ISL1: variants seen among roughly 807,000 people sequenced by gnomAD.
ISL1 encodes the protein ISL LIM homeobox 1, also known as insulin gene enhancer protein ISL-1.
ISL1 carries 4 observed loss-of-function variants against 35.3 expected under a neutral mutation model. The observed-to-expected ratio is 0.11, with a 90% confidence interval of 0.06 to 0.26. The LOEUF (loss-of-function observed/expected upper bound fraction) is 0.26, where lower values mean the gene tolerates loss of function less well. Ranked by LOEUF, ISL1 falls within the 10% of genes least tolerant of loss-of-function variation. The probability of loss-of-function intolerance (pLI) is 1.00; values close to 1 mark genes in which losing one functional copy is unlikely to be tolerated. For missense variants in ISL1, 340 were observed against 472.8 expected, an observed-to-expected ratio of 0.72 and a Z score of 2.60; for synonymous variants, 186 against 172.3, an observed-to-expected ratio of 1.08 and a Z score of -0.62.
In ISL1 at chr5:51,394,619, C is replaced by T. The variant is rs1386772585; in HGVS notation, c.*1009C>T. On this transcript the variant is annotated 3_prime_UTR_variant, in exon 6 of 6. Transcript: ENST00000230658. ...TGGTCTTTGAATTATATGTCTAATT[C>T]TATGTGTTTTGTCTTTTTCTTAAAT... is the stretch of plus-strand genomic sequence containing the variant. 6.6e-6 allele frequency: 1 copy of T among 152,246 alleles called. No individual in the cohort carries two copies. Among genetic ancestry groups the T allele is most frequent in the Non-Finnish European group, 1.5e-5 (1 of 67,968 alleles). 9.4% of individuals were successfully genotyped at this position (152,246 alleles called of 1,614,324 possible). A position where few individuals can be genotyped will look rare whatever the true frequency, so the allele number is the denominator to read the frequency against.
rs1747433542 is a variant in ISL1, at chr5:51,389,563, G to A, written c.479-83G>A. ...TAAGCGGGCGGGCGGGCGGGCAAGC[G>A]AGCGAGCGAGCGAGCGCGCGACCGC... On this transcript the variant is annotated intron_variant, in intron 3 of 5. Coordinates refer to ENST00000230658, the MANE Select transcript of ISL1 (RefSeq NM_002202.3). This position sits in a 1 kb window ranked among gnomAD's most constrained non-coding sequence, Gnocchi z 5.0. 6 of 1,186,294 alleles carry A rather than the reference G, an allele frequency of 5.1e-6. No homozygotes were observed. The East Asian group carries it at 9.6e-5, about 19-fold the overall frequency. 73.5% of individuals were successfully genotyped at this position (1,186,294 alleles called of 1,614,324 possible).
At chr5:51,390,048 T>C in intron 4 of ISL1, 116 bp downstream of exon 4, 1 of 1,231,628 alleles carries the variant, frequency 8.1e-7, no homozygotes, top group Non-Finnish European at 1.1e-6. Flanking sequence ...GGCAGGAGTT[T>C]GGCCGGGGCT....
Position 51,383,665 on chromosome 5 carries a change from T to G in ISL1, c.-7T>G. 1 of 1,607,990 alleles carries G rather than the reference T, an allele frequency of 6.2e-7. No homozygotes were observed. The highest frequency in any genetic ancestry group is 8.5e-7 in the Non-Finnish European group (1 of 1,174,402). On this transcript the variant is annotated 5_prime_UTR_variant, in exon 1 of 6. Transcript: ENST00000230658. ...TTTCACTGTGGACATTACTCCCTCT[T>G]ACAGATATGGGAGACATGGGAGATC...
At chr5:51,391,575 T>G in intron 5 of ISL1, 134 bp downstream of exon 5, 1 of 968,656 alleles carries the variant, frequency 1.0e-6, no homozygotes, top group East Asian at 2.5e-5. Flanking sequence ...AGGAGGTGGG[T>G]AATGAAGAGA....
In ISL1 at chr5:51,389,621, G is replaced by C. The variant is rs751951815; in HGVS notation, c.479-25G>C. ...CCGGCAAGCGAGCCTCCAGCCCAGC[G>C]CTCACGGCGCTCCTTGCCCCGCAGC... On this transcript the variant is annotated intron_variant, in intron 3 of 5. Transcript: ENST00000230658. This position sits in a 1 kb window ranked among gnomAD's most constrained non-coding sequence, Gnocchi z 5.0. 6.3e-7 allele frequency: 1 copy of C among 1,594,266 alleles called. No individual in the cohort carries two copies. The highest frequency in any genetic ancestry group is 1.7e-5 in the Admixed American group (1 of 58,896).
In ISL1 at chr5:51,383,717, C is replaced by G. The variant is rs547738426; in HGVS notation, c.28+18C>G. The G allele has an allele frequency of 3.1e-5, 50 of 1,604,760 alleles. No individual in the cohort carries two copies. The highest frequency in any genetic ancestry group is 4.1e-5 in the Non-Finnish European group (48 of 1,171,476). ...ACCAAAAAGTAAGAGGCTATTTTAC[C>G]TTGTGGGGCTCGGTGTGCTGTTCTT... On this transcript the variant is annotated intron_variant, in intron 1 of 5. Coordinates refer to ENST00000230658, the MANE Select transcript of ISL1 (RefSeq NM_002202.3).
rs747029792 is a variant in ISL1, at chr5:51,389,600, C to A, written c.479-46C>A. 1.8e-5 allele frequency: 26 copies of A among 1,468,222 alleles called. No homozygotes were observed. The East Asian group carries it at 5.1e-4, about 29-fold the overall frequency. The allele number at this position is 1,468,222 out of a possible 1,614,324, so 90.9% of individuals were successfully genotyped here. A position where few individuals can be genotyped will look rare whatever the true frequency, so the allele number is the denominator to read the frequency against. On this transcript the variant is annotated intron_variant, in intron 3 of 5. Coordinates refer to ENST00000230658, the MANE Select transcript of ISL1 (RefSeq NM_002202.3). The surrounding 1 kb of genome is among the most constrained non-coding windows in gnomAD (Gnocchi z 5.0). ...GAGCGCGCGACCGCGGGCGGGCCGG[C>A]AAGCGAGCCTCCAGCCCAGCGCTCA...
chr5:51,384,415 A>AAAAG lies in ISL1; in HGVS notation c.29-106_29-103dup, dbSNP rs549402752. 1.0e-3 allele frequency: 821 copies of AAAAG among 782,820 alleles called. 2 individuals are homozygous for AAAAG. Among genetic ancestry groups the AAAAG allele is most frequent in the African/African-American group, 2.8e-3 (151 of 54,738 alleles). 48.5% of individuals were successfully genotyped at this position (782,820 alleles called of 1,614,324 possible). A position where few individuals can be genotyped will look rare whatever the true frequency, so the allele number is the denominator to read the frequency against. ...AAGTGCAATGCTCTAAAAAAAAAAA[A>AAAAG]AAAGAAAGAAAGAAAGAAAGAAAAA... On this transcript the variant is annotated intron_variant, in intron 1 of 5. Coordinates refer to ENST00000230658, the MANE Select transcript of ISL1 (RefSeq NM_002202.3).
chr5:51,389,788 T>C lies in ISL1; in HGVS notation c.621T>C (p.Asp207=), dbSNP rs1747443323. 3 of 1,614,078 alleles carry C rather than the reference T, an allele frequency of 1.9e-6. No homozygotes were observed. In the Admixed American group the frequency reaches 5.0e-5, roughly 27 times the overall value. The stretch of plus-strand genomic sequence containing the variant: ...GCTACGCCGCAAACCCGCGGCCAGA[T>C]GCGCTCATGAAGGAGCAACTGGTAG... ...RTCYAANPRP[D]ALMKEQLVEM... Residue 207 remains aspartate, a synonymous_variant, in exon 4 of 6, where the codon GAT becomes GAC. Transcript: ENST00000230658. This position sits in a 1 kb window ranked among gnomAD's most constrained non-coding sequence, Gnocchi z 5.0.
At chr5:51,385,829 A>G (rs1747330057) in intron 2 of ISL1, among the ~76,000 whole-genome samples, 1 of 152,166 alleles carries the variant, frequency 6.6e-6, no homozygotes, top group South Asian at 2.1e-4. Context: ...TTGTTAGGCA[A>G]ATGGTTTCTG....
Position 51,393,692 on chromosome 5 carries a change from C to A in ISL1, c.*82C>A. On this transcript the variant is annotated 3_prime_UTR_variant, in exon 6 of 6. Transcript: ENST00000230658. ...CGAACTCTGAAACAAAAGTATTTAA[C>A]GACCCAGTCAATGAAAACTGAATCA... 1 of 881,216 alleles carries A rather than the reference C, an allele frequency of 1.1e-6. No individual in the cohort carries two copies. The highest frequency in any genetic ancestry group is 1.9e-6 in the Non-Finnish European group (1 of 513,454). 54.6% of individuals were successfully genotyped at this position (881,216 alleles called of 1,614,324 possible).
In ISL1 at chr5:51,393,494, G is replaced by A. The variant is rs758941795; in HGVS notation, c.934G>A (p.Val312Ile). The change falls in exon 6 of 6, where the codon GTC (valine) becomes ATC (isoleucine). Residue 312 changes from valine to isoleucine, a missense_variant and splice_region_variant. Physicochemically the swap from Val to Ile is conservative, Grantham distance 29. This residue lies in a region of ISL1 where 104 missense variants were observed against 97.3 expected (regional missense o/e 1.07). Coordinates refer to ENST00000230658, the MANE Select transcript of ISL1 (RefSeq NM_002202.3). ...ATTTATTTCTCAACCTTCTATGCAG[G>A]TCAATTTTTCAGAAGGAGGACCGGG... ...DIDQPAFQQL[V>I]NFSEGGPGSN... 1 of 1,588,928 alleles carries A rather than the reference G, an allele frequency of 6.3e-7. No individual in the cohort carries two copies. Among genetic ancestry groups the A allele is most frequent in the Non-Finnish European group, 8.6e-7 (1 of 1,157,116 alleles).
chr5:51,392,166 A>G (rs1204770369), intron 5 of ISL1, among the ~76,000 whole-genome samples: 2 of 152,210 alleles, frequency 1.3e-5, no homozygotes, highest in Non-Finnish European at 1.5e-5. Flanking sequence ...AAAGTGTTTA[A>G]TCTGTGAAAA....
At chr5:51,390,467 C>T (rs1422650903) in intron 4 of ISL1, among the ~76,000 whole-genome samples, 1 of 151,926 alleles carries the variant, frequency 6.6e-6, no homozygotes, top group Non-Finnish European at 1.5e-5. Flanking sequence ...CAAGGTGACC[C>T]GCATGCCCAG....
intron 3 of ISL1, among the ~76,000 whole-genome samples, chr5:51,388,116 C>A (rs1211105079): frequency 1.3e-5 from 2 of 152,242 alleles, no homozygotes; most frequent in African/African-American, 2.4e-5. Context: ...CTCCTGCTGC[C>A]TAATTAAAGG....
At chr5:51,386,657 T>C (rs1747349389) in intron 2 of ISL1, 1 of 455,690 alleles carries the variant, frequency 2.2e-6, no homozygotes, top group South Asian at 1.6e-5. Context: ...AGAAAGACCT[T>C]AGAAGCGGGT....
In ISL1 at chr5:51,387,717, C is replaced by G. The variant is rs1409939635; in HGVS notation, c.446C>G (p.Pro149Arg). ...ASLGAGDPLS[P>R]LHPARPLQMA... ...CTAGGCGCTGGCGACCCGCTCAGTC[C>G]CCTGCATCCAGCGCGGCCACTGCAA... is the stretch of plus-strand genomic sequence containing the variant. Residue 149 changes from proline (P) to arginine (R), a missense_variant, in exon 3 of 6, where the codon CCC becomes CGC. Around this residue, in one of 7 missense-constraint regions of ISL1, gnomAD observed 94 missense variants for 102.1 expected, o/e 0.92. Transcript: ENST00000230658. This position sits in a 1 kb window ranked among gnomAD's most constrained non-coding sequence, Gnocchi z 4.3. The G allele has an allele frequency of 6.2e-7, 1 of 1,614,078 alleles. No homozygotes were observed. The highest frequency in any genetic ancestry group is 1.3e-5 in the African/African-American group (1 of 74,944).
chr5:51,386,144 A>G (rs2111838845), intron 2 of ISL1: 1 of 152,906 alleles, frequency 6.5e-6, no homozygotes, highest in East Asian at 1.9e-4. Context: ...GAGGGAGGAA[A>G]AACTTTTGAG....
At position 51,393,604 on chromosome 5, in the gene ISL1, G is replaced by T; in HGVS notation, c.1044G>T (p.Glu348Asp). ...ACAGCATGGTAGCCAGTCCTATTGA[G>T]GCATGAGGAACATTCATTCTGTATT... The part of the protein sequence containing the change: ...TPNSMVASPI[E>D]A Residue 348 changes from glutamate to aspartate, a missense_variant, in exon 6 of 6, where the codon GAG becomes GAT. By Grantham distance (45) the Glu-to-Asp change is conservative. This residue lies in a region of ISL1 where 104 missense variants were observed against 97.3 expected (regional missense o/e 1.07). Coordinates refer to ENST00000230658, the MANE Select transcript of ISL1 (RefSeq NM_002202.3). 6.4e-7 allele frequency: 1 copy of T among 1,573,900 alleles called. No homozygotes were observed. The highest frequency in any genetic ancestry group is 8.7e-7 in the Non-Finnish European group (1 of 1,143,344).
Sources: gnomAD v4.1 joint callset for allele counts (sites outside exome capture counted in the v4.1 genomes callset) on GRCh38, gnomAD v4.1.1 for gene constraint, gnomAD v4.1.1 regional missense constraint, Gnocchi (gnomAD v3.1) non-coding constraint, MANE v1.5 for transcripts, NCBI Gene and HGNC (gene_info 2026-07-23, HGNC 2026-07-21) for gene names.